PIAS4: variants seen among roughly 807,000 people sequenced by gnomAD.
PIAS4 encodes protein inhibitor of activated STAT 4.
A neutral mutation model predicts 58.0 loss-of-function variants in PIAS4; 7 were observed. The ratio of observed to expected loss-of-function variants is 0.12; its 90% CI spans 0.07 to 0.23. PIAS4 has a LOEUF of 0.23. Ranked by LOEUF, PIAS4 falls within the 10% of genes least tolerant of loss-of-function variation. The pLI, the probability that PIAS4 is intolerant of heterozygous loss-of-function variation, is 1.00. For synonymous variants in PIAS4, 364 were observed against 312.4 expected, an observed-to-expected ratio of 1.17 and a Z score of -1.74; for missense variants, 550 against 709.5, an observed-to-expected ratio of 0.78 and a Z score of 2.55.
chr19:4,033,303 G>A (rs895332), intron 8 of PIAS4, 117 bp from the exon 9 acceptor site: 1,220,023 of 1,321,778 alleles, frequency 0.92, 563,953 homozygotes, highest in East Asian at 0.97. Context: ...CGTCCCCTCC[G>A]TGTTCCTGAG....
rs181024184 is a variant in PIAS4, at chr19:4,031,539, G to A, written c.908-1561G>A. Among the ~76,000 whole-genome samples the A allele has an allele frequency of 3.3e-5, 5 of 152,170 alleles. No homozygotes were observed. The East Asian group carries it at 7.8e-4, about 24-fold the overall frequency. ...CCCTCAAAGGGCCCTTTTTTCAACC[G>A]CCCCCGACCTTCCCTGCCTGTGGGG... On this transcript the variant is annotated intron_variant, in intron 7 of 10. Transcript: ENST00000262971.
rs2040326471 is a variant in PIAS4, at chr19:4,038,379, G to A, written c.*504G>A. On this transcript the variant is annotated 3_prime_UTR_variant, in exon 11 of 11. Transcript: ENST00000262971. This position sits in a 1 kb window ranked among gnomAD's most constrained non-coding sequence, Gnocchi z 4.1. ...CTCTGCAAATGCATCCTCGCCCAGA[G>A]ACCCTCACGCGCCGAGCAGCGAGCG... 7.0e-6 allele frequency: 1 copy of A among 142,926 alleles called. No homozygotes were observed. The highest frequency in any genetic ancestry group is 1.5e-5 in the Non-Finnish European group (1 of 65,328). 8.9% of individuals were successfully genotyped at this position (142,926 alleles called of 1,614,324 possible). A position where few individuals can be genotyped will look rare whatever the true frequency, so the allele number is the denominator to read the frequency against.
At chr19:4,032,953 G>T in intron 7 of PIAS4, 147 bp from the exon 8 acceptor site, 1 of 644,866 alleles carries the variant, frequency 1.6e-6, no homozygotes, top group South Asian at 1.9e-5. Context: ...AATCCCTCAC[G>T]GCCCCGAGCC....
Position 4,036,093 on chromosome 19 carries a change from CCG to C in PIAS4, c.1143-1280_1143-1279del, listed in dbSNP as rs1599234598. On this transcript the variant is annotated intron_variant, in intron 9 of 10. Coordinates refer to ENST00000262971, the MANE Select transcript of PIAS4 (RefSeq NM_015897.4). ...CTGTCACACATCCGTACAGTCCACA[CCG>C]TCATACAAACACACACACATCTATA... 4.1e-5 allele frequency among the ~76,000 whole-genome samples: 5 copies of C among 122,862 alleles called. 1 individual carries two copies. The East Asian group carries it at 1.4e-3, about 34-fold the overall frequency. The allele number at this position is 122,862 out of a possible 152,430, so 80.6% of individuals were successfully genotyped here.
At chr19:4,025,975 GAGGC>G (rs2040159485) in intron 3 of PIAS4, among the ~76,000 whole-genome samples, 1 of 149,054 alleles carries the variant, frequency 6.7e-6, no homozygotes, top group African/African-American at 2.5e-5. Flanking sequence ...TCGGGAGGCT[GAGGC>G]AGGAGAATGG....
At chr19:4,010,496 A>G (rs2039982337) in intron 1 of PIAS4, among the ~76,000 whole-genome samples, 1 of 152,234 alleles carries the variant, frequency 6.6e-6, no homozygotes, top group African/African-American at 2.4e-5. Context: ...TTTTCTGCAC[A>G]AGGTAGGAAG....
chr19:4,019,237 C>T (rs116169670), intron 2 of PIAS4, among the ~76,000 whole-genome samples: 79 of 152,268 alleles, frequency 5.2e-4, no homozygotes, highest in African/African-American at 1.8e-3. Flanking sequence ...CCTTCCCCAG[C>T]ATAGGGGGGC....
Position 4,028,848 on chromosome 19 carries a change from G to A in PIAS4, c.801G>A (p.Lys267=), listed in dbSNP as rs1052253914. Residue 267 remains lysine (K), a splice_region_variant and synonymous_variant, in exon 6 of 11, where the codon AAG becomes AAA. Coordinates refer to ENST00000262971, the MANE Select transcript of PIAS4 (RefSeq NM_015897.4). ...RITVTWGNYG[K]SYSVALYLVR... is the part of the protein sequence containing the mutation. The stretch of plus-strand genomic sequence containing the variant: ...CTGTCACCTGGGGGAACTACGGCAA[G>A]GTGAGTGCGTGCCCGGGTGCCCACC... The A allele has an allele frequency of 3.7e-6, 6 of 1,613,398 alleles. No homozygotes were observed. Among genetic ancestry groups the A allele is most frequent in the Middle Eastern group, 3.3e-4 (2 of 6,062 alleles).
chr19:4,019,321 C>T (rs1212915259), intron 2 of PIAS4, among the ~76,000 whole-genome samples: 4 of 152,262 alleles, frequency 2.6e-5, no homozygotes, highest in African/African-American at 9.6e-5. Context: ...ACCTCCCAGG[C>T]CCCCAGCAGA....
intron 2 of PIAS4, among the ~76,000 whole-genome samples, chr19:4,020,116 C>A (rs573862497): frequency 7.2e-5 from 11 of 152,228 alleles, no homozygotes; most frequent in South Asian, 6.2e-4. Context: ...CGGGGTTTCA[C>A]CATGTTAGCC....
At chr19:4,029,911 C>A (rs2040206621) in intron 7 of PIAS4, among the ~76,000 whole-genome samples, 1 of 150,160 alleles carries the variant, frequency 6.7e-6, no homozygotes, top group African/African-American at 2.5e-5. Context: ...AAACCTCTAC[C>A]TCCTGGGTTC....
intron 9 of PIAS4, among the ~76,000 whole-genome samples, chr19:4,036,962 C>T (rs1599236005): frequency 2.0e-5 from 3 of 152,044 alleles, no homozygotes; most frequent in Admixed American, 1.3e-4. Flanking sequence ...CACATGCACA[C>T]GTGCACACAC....
At position 4,016,141 on chromosome 19, in the gene PIAS4, C is replaced by T. The variant is rs62131487; in HGVS notation, c.454+2792C>T. The stretch of plus-strand genomic sequence containing the variant: ...CCTGTCCTGCCTGTCGGCAAGGAAG[C>T]CGGCGCCACCCCTTTCCAGCCTGCG... On this transcript the variant is annotated intron_variant, in intron 2 of 10. Coordinates refer to ENST00000262971, the MANE Select transcript of PIAS4 (RefSeq NM_015897.4). 4.3e-3 allele frequency among the ~76,000 whole-genome samples: 659 copies of T among 152,338 alleles called. 2 individuals are homozygous for T. The highest frequency in any genetic ancestry group is 7.3e-3 in the Non-Finnish European group (496 of 68,022).
intron 2 of PIAS4, chr19:4,018,651 C>T (rs1228708099): frequency 6.6e-6 from 1 of 152,268 alleles, no homozygotes; most frequent in Non-Finnish European, 1.5e-5. Context: ...CCATCTCCCC[C>T]TTGGGGAACT....
In PIAS4 at chr19:4,013,126, G is replaced by T; in HGVS notation, c.231G>T (p.Pro77=). 1 of 1,613,332 alleles carries T rather than the reference G, an allele frequency of 6.2e-7. No individual in the cohort carries two copies. Among genetic ancestry groups the T allele is most frequent in the Non-Finnish European group, 8.5e-7 (1 of 1,179,988 alleles). The change falls in exon 2 of 11, where the codon CCG becomes CCT. Residue 77 remains proline (P), a synonymous_variant. Transcript: ENST00000262971. This position sits in a 1 kb window ranked among gnomAD's most constrained non-coding sequence, Gnocchi z 5.1. ...AGAACTCGGAGCCTGCCCCACAGCC[G>T]CACCGGCCCCTGGACCCCCTGACCA... ...AKKNSEPAPQ[P]HRPLDPLTMH... is the part of the protein sequence containing the mutation.
chr19:4,027,092 T>A (rs1394942608), intron 3 of PIAS4, among the ~76,000 whole-genome samples: 1 of 151,920 alleles, frequency 6.6e-6, no homozygotes, highest in East Asian at 1.9e-4. Flanking sequence ...GACCTTGTTA[T>A]CCGCCCGCCT....
chr19:4,013,936 ACT>A lies in PIAS4; in HGVS notation c.454+590_454+591del, dbSNP rs991811975. Among the ~76,000 whole-genome samples the A allele has an allele frequency of 2.0e-5, 3 of 151,234 alleles. No homozygotes were observed. Among genetic ancestry groups the A allele is most frequent in the African/African-American group, 7.3e-5 (3 of 41,142 alleles). The stretch of plus-strand genomic sequence containing the variant: ...CCCACAGAGTCCGTTGCTCACACAG[ACT>A]CTGTGGCGCATGCAGGGACCACACC... On this transcript the variant is annotated intron_variant, in intron 2 of 10. Coordinates refer to ENST00000262971, the MANE Select transcript of PIAS4 (RefSeq NM_015897.4). This position sits in a 1 kb window ranked among gnomAD's most constrained non-coding sequence, Gnocchi z 5.1.
chr19:4,028,401 C>G, intron 4 of PIAS4, 109 bp from the exon 5 acceptor site: 1 of 878,254 alleles, frequency 1.1e-6, no homozygotes, highest in Non-Finnish European at 1.8e-6. Flanking sequence ...GTGTCACATT[C>G]TCCGGTGCCC....
intron 3 of PIAS4, among the ~76,000 whole-genome samples, chr19:4,024,926 C>G (rs575562511): frequency 1.3e-5 from 2 of 152,106 alleles, no homozygotes; most frequent in Non-Finnish European, 2.9e-5. Flanking sequence ...CTACCACGCC[C>G]GGCTAATCTT....
Sources: allele counts gnomAD v4.1 joint callset (sites outside exome capture counted in the v4.1 genomes callset), GRCh38; gene constraint gnomAD v4.1.1; non-coding constraint Gnocchi (gnomAD v3.1); transcripts MANE v1.5; gene names NCBI Gene and HGNC (gene_info 2026-07-23, HGNC 2026-07-21).